Variants in LAP3 observed in about 807,000 individuals in gnomAD.
The protein encoded by LAP3 is cytosol aminopeptidase.
LAP3 carries 46 observed loss-of-function variants against 58.8 expected under a neutral mutation model. The ratio of observed to expected loss-of-function variants is 0.78; its 90% confidence interval spans 0.62 to 1.00. LAP3 has a LOEUF of 1.00. Ranked by LOEUF, LAP3 falls within the 50% of genes least tolerant of loss-of-function variation. The probability of loss-of-function intolerance (pLI) is 0.00; values close to 1 mark genes in which losing one functional copy is unlikely to be tolerated. For missense variants in LAP3, 615 were observed against 659.1 expected, an observed-to-expected ratio of 0.93 and a Z score of 0.73; for synonymous variants, 257 against 237.7, an observed-to-expected ratio of 1.08 and a Z score of -0.75.
chr4:17,607,354 G>A (rs1425318502), intron 12 of LAP3, 46 bp from the exon 13 acceptor site: 1 of 1,543,354 alleles, frequency 6.5e-7, no homozygotes, highest in Non-Finnish European at 8.8e-7. Context: ...GGATCTCAGT[G>A]CACATTTACA....
At chr4:17,605,324 C>T (rs1714098631) in intron 11 of LAP3, among the ~76,000 whole-genome samples, 1 of 152,180 alleles carries the variant, frequency 6.6e-6, no homozygotes, top group Non-Finnish European at 1.5e-5. Flanking sequence ...CGTGTTTGTT[C>T]CCTTTGGCCG....
intron 10 of LAP3, among the ~76,000 whole-genome samples, chr4:17,598,972 A>G (rs1190751939): frequency 6.6e-6 from 1 of 152,130 alleles, no homozygotes; most frequent in African/African-American, 2.4e-5. Flanking sequence ...TCCTGAACTC[A>G]GGTGATCCAC....
intron 11 of LAP3, 94 bp downstream of exon 11, chr4:17,604,761 G>T: frequency 2.1e-6 from 2 of 937,644 alleles, no homozygotes; most frequent in Admixed American, 2.1e-5. Context: ...GTGTTAAAGT[G>T]ATTTTTATGC....
intron 5 of LAP3, among the ~76,000 whole-genome samples, chr4:17,584,589 C>G (rs1024187400): frequency 2.0e-5 from 3 of 152,230 alleles, no homozygotes; most frequent in African/African-American, 7.2e-5. Flanking sequence ...GCACTTGGGG[C>G]TGCAGCATTC....
chr4:17,596,903 T>A (rs1394216669), intron 8 of LAP3, 143 bp from the exon 9 acceptor site: 2 of 664,504 alleles, frequency 3.0e-6, no homozygotes, highest in African/African-American at 3.6e-5. Context: ...GTCAGTTGTG[T>A]CATTGGTGAT....
intron 6 of LAP3, chr4:17,586,029 T>C (rs1197719803): frequency 1.3e-5 from 2 of 152,208 alleles, no homozygotes; most frequent in East Asian, 3.8e-4. Context: ...CATGCCTAAC[T>C]AGACATGGGA....
At chr4:17,599,406 C>T (rs1713932782) in intron 10 of LAP3, among the ~76,000 whole-genome samples, 1 of 151,980 alleles carries the variant, frequency 6.6e-6, no homozygotes, top group South Asian at 2.1e-4. Context: ...GTGTGTGGCA[C>T]GTGCCTGTAA....
intron 7 of LAP3, among the ~76,000 whole-genome samples, chr4:17,594,749 T>C (rs887976608): frequency 6.6e-5 from 10 of 152,214 alleles, no homozygotes; most frequent in African/African-American, 1.7e-4. Flanking sequence ...TGTGCAGTGT[T>C]GGAAGGAAAT....
rs1713602270 is a variant in LAP3, at chr4:17,588,922, C to A, written c.808C>A (p.Pro270Thr). 1 of 1,614,168 alleles carries A rather than the reference C, an allele frequency of 6.2e-7. No homozygotes were observed. Among genetic ancestry groups the A allele is most frequent in the Non-Finnish European group, 8.5e-7 (1 of 1,180,040 alleles). Residue 270 changes from proline (P) to threonine (T), a missense_variant, in exon 7 of 13, where the codon CCC becomes ACC. Transcript: ENST00000226299. ...CTTGGAAATTCACTACAAAGGCAGC[C>A]CCAATGCAAACGAACCACCCCTGGT... ...VFLEIHYKGS[P>T]NANEPPLVFV...
chr4:17,602,357 C>G (rs1714001924), intron 10 of LAP3, among the ~76,000 whole-genome samples: 3 of 152,184 alleles, frequency 2.0e-5, no homozygotes, highest in Admixed American at 2.0e-4. Context: ...GCTCATACCA[C>G]AACTAAAGGA....
chr4:17,584,332 A>G (rs1034168447), intron 5 of LAP3, among the ~76,000 whole-genome samples: 2 of 152,330 alleles, frequency 1.3e-5, no homozygotes, highest in Middle Eastern at 3.4e-3. Flanking sequence ...TTGTATCATC[A>G]TCCAAAAGAG....
rs1352375275 is a variant in LAP3 at position 17,583,520 on chromosome 4, T to C, written c.417T>C (p.Ser139=). Residue 139 remains serine (S), a synonymous_variant, in exon 5 of 13, where the codon TCT becomes TCC. Transcript: ENST00000226299. ...CRQIQDLELS[S]VEVDPCGDAQ... ...AGATTCAAGACCTGGAGCTCTCGTC[T>C]GTGGAGGTGGATCCCTGTGGAGACG... 6.2e-7 allele frequency: 1 copy of C among 1,614,184 alleles called. No homozygotes were observed. Among genetic ancestry groups the C allele is most frequent in the East Asian group, 2.2e-5 (1 of 44,886 alleles).
chr4:17,592,410 T>G (rs1429139957), intron 7 of LAP3, among the ~76,000 whole-genome samples: 2 of 152,250 alleles, frequency 1.3e-5, no homozygotes, highest in African/African-American at 2.4e-5. Context: ...TTCTTTTCTA[T>G]TGTTGAGTAG....
At chr4:17,591,975 G>GC (rs914215865) in intron 7 of LAP3, among the ~76,000 whole-genome samples, 4 of 151,948 alleles carry the variant, frequency 2.6e-5, no homozygotes, top group African/African-American at 9.7e-5. Context: ...GTGCACCTTG[G>GC]GGGGGTGCAG....
intron 7 of LAP3, 145 bp downstream of exon 7, chr4:17,589,122 G>GT: frequency 1.3e-6 from 1 of 781,138 alleles, no homozygotes; most frequent in Non-Finnish European, 2.0e-6. Flanking sequence ...GTGCAGTGGC[G>GT]TGATCTCGGC....
rs1470664106 is a variant in LAP3, at chr4:17,577,542, GTC to G, written c.82_83del (p.Ser28HisfsTer20). The G allele has an allele frequency of 1.3e-6, 2 of 1,571,872 alleles. No individual in the cohort carries two copies. The highest frequency in any genetic ancestry group is 1.8e-5 in the Admixed American group (1 of 54,188). On this transcript the variant is annotated frameshift_variant, in exon 1 of 13. Coordinates refer to ENST00000226299, the MANE Select transcript of LAP3 (RefSeq NM_015907.3). LOFTEE classifies it high-confidence loss of function. Reference sequence around the variant, plus strand: ...GCCGTGAGACGTTTCGGGAGCCGGAGTCTCTCCACCGCAGACATGACGAAGGT... The same window carrying G: ...GCCGTGAGACGTTTCGGGAGCCGGAGTCTCCACCGCAGACATGACGAAGGT...
In LAP3 at chr4:17,577,431, C is replaced by A. The variant is rs770364919; in HGVS notation, c.-35C>A. On this transcript the variant is annotated 5_prime_UTR_variant, in exon 1 of 13. Transcript: ENST00000226299. The stretch of plus-strand genomic sequence containing the variant: ...GCCCGCCCACCGCTCTCCACGTGCT[C>A]GCTGGAGGGCGGTGCGAGGGGCCGA... The A allele has an allele frequency of 5.4e-6, 8 of 1,484,442 alleles. No homozygotes were observed. Among genetic ancestry groups the A allele is most frequent in the Middle Eastern group, 2.4e-4 (1 of 4,208 alleles). The allele number at this position is 1,484,442 out of a possible 1,614,324, so 92.0% of individuals were successfully genotyped here.
chr4:17,604,086 G>C (rs1183882249), intron 10 of LAP3, among the ~76,000 whole-genome samples: 2 of 152,016 alleles, frequency 1.3e-5, no homozygotes, highest in African/African-American at 4.8e-5. Flanking sequence ...GATTACAGGC[G>C]TGAGCCAGCA....
chr4:17,604,651 G>T lies in LAP3; in HGVS notation c.1244G>T (p.Trp415Leu), dbSNP rs199781902. ...TGVFTNSSWL[W>L]NKLFEASIET... The stretch of plus-strand genomic sequence containing the variant: ...GTCTTTACCAATTCATCCTGGCTCT[G>T]GAACAAACTCTTCGAGGTAGGAATA... Residue 415 changes from tryptophan to leucine, a missense_variant, in exon 11 of 13, where the codon TGG becomes TTG. Coordinates refer to ENST00000226299, the MANE Select transcript of LAP3 (RefSeq NM_015907.3). The T allele has an allele frequency of 6.2e-7, 1 of 1,611,734 alleles. No homozygotes were observed. Among genetic ancestry groups the T allele is most frequent in the African/African-American group, 1.3e-5 (1 of 74,922 alleles).
Sources: gnomAD v4.1 joint callset for allele counts (sites outside exome capture counted in the v4.1 genomes callset) on GRCh38, gnomAD v4.1.1 for gene constraint, MANE v1.5 for transcripts, NCBI Gene and HGNC (gene_info 2026-07-23, HGNC 2026-07-21) for gene names.